PID1: variants seen among roughly 807,000 people sequenced by gnomAD.
PID1 encodes PTB-containing, cubilin and LRP1-interacting protein.
PID1 carries 10 observed loss-of-function variants against 19.1 expected under a neutral mutation model. The ratio of observed to expected loss-of-function variants is 0.52; its 90% confidence interval spans 0.32 to 0.89. The LOEUF (loss-of-function observed/expected upper bound fraction) is 0.89, where lower values mean the gene tolerates loss of function less well. PID1 is among the 40% of genes least tolerant of loss of function. The pLI is 0.03. For missense variants in PID1, 248 were observed against 285.3 expected (o/e 0.87, Z 0.94); for synonymous variants, 130 against 116.0 (o/e 1.12, Z -0.78).
rs185143490 is a variant in PID1, at chr2:229,169,940, G to A, written c.31-13976C>T. 1.3e-4 allele frequency among the ~76,000 whole-genome samples: 20 copies of A among 152,190 alleles called. No individual in the cohort carries two copies. The East Asian group carries it at 1.7e-3, about 13-fold the overall frequency. On this transcript the variant is annotated intron_variant, in intron 1 of 2. Coordinates refer to ENST00000392055, the MANE Select transcript of PID1 (RefSeq NM_001100818.2). Reference sequence around the variant, plus strand: ...AGTCCAAGGTCATCCAGAGCCACACGCTTCAAAGAAAACTAGACTCACAAC... The same window carrying A: ...AGTCCAAGGTCATCCAGAGCCACACACTTCAAAGAAAACTAGACTCACAAC...
intron 2 of PID1, among the ~76,000 whole-genome samples, chr2:229,117,492 G>C (rs1339375417): frequency 6.6e-6 from 1 of 152,100 alleles, no homozygotes; most frequent in Non-Finnish European, 1.5e-5. Flanking sequence ...ATACAGTCCT[G>C]CCCTTCTCCA....
intron 1 of PID1, among the ~76,000 whole-genome samples, chr2:229,185,437 T>G (rs376837719): frequency 6.6e-6 from 1 of 152,164 alleles, no homozygotes; most frequent in Non-Finnish European, 1.5e-5. Context: ...TAGTCTGTTT[T>G]CATGCTGCTG....
At chr2:229,207,837 C>T (rs113539749) in intron 1 of PID1, among the ~76,000 whole-genome samples, 1 of 151,978 alleles carries the variant, frequency 6.6e-6, no homozygotes, top group Admixed American at 6.6e-5. Flanking sequence ...AACAGTGATG[C>T]CCAACCACTT....
chr2:229,158,076 C>T (rs1690418356), intron 1 of PID1, among the ~76,000 whole-genome samples: 1 of 152,228 alleles, frequency 6.6e-6, no homozygotes, highest in South Asian at 2.1e-4. Context: ...TGATCCCACC[C>T]TTACATTTGC....
At chr2:229,221,943 C>T (rs892676172) in intron 1 of PID1, among the ~76,000 whole-genome samples, 3 of 152,226 alleles carry the variant, frequency 2.0e-5, no homozygotes, top group Admixed American at 2.0e-4. Flanking sequence ...TGTCAAGCAA[C>T]TCCACTCCTC....
At chr2:229,129,706 TC>T (rs1171610221) in intron 2 of PID1, among the ~76,000 whole-genome samples, 3 of 152,042 alleles carry the variant, frequency 2.0e-5, no homozygotes, top group African/African-American at 7.3e-5. Context: ...TTGTCCCTTT[TC>T]CCCCCATATT....
intron 2 of PID1, among the ~76,000 whole-genome samples, chr2:229,139,050 A>AAGC (rs1689934542): frequency 1.3e-5 from 1 of 76,420 alleles, no homozygotes. Context: ...AGAAAGAAAG[A>AAGC]AAGAAAGAGA....
At chr2:229,242,373 T>G (rs1011533290) in intron 1 of PID1, among the ~76,000 whole-genome samples, 1 of 152,154 alleles carries the variant, frequency 6.6e-6, no homozygotes, top group Admixed American at 6.5e-5. Context: ...ATAGCTTAGT[T>G]ATAGGTCCAA....
rs1403878830 is a variant in PID1, at chr2:229,025,954, C to A, written c.332G>T (p.Trp111Leu). The A allele has an allele frequency of 6.2e-7, 1 of 1,614,200 alleles. No individual in the cohort carries two copies. The highest frequency in any genetic ancestry group is 1.7e-5 in the Admixed American group (1 of 60,026). ...CCCTTTGTGGTCGAGATGATGGAGC[C>A]AAACTTGGAATGGCCGGATTTCCAG... ...ALLEIRPFQVWLHHLDHKGEA... is the reference protein window; with the variant it reads ...ALLEIRPFQVLLHHLDHKGEA... The change falls in exon 3 of 3, where the codon TGG becomes TTG. Residue 111 changes from tryptophan to leucine, a missense_variant. Trp to Leu is a moderately conservative substitution (Grantham distance 61). Coordinates refer to ENST00000392055, the MANE Select transcript of PID1 (RefSeq NM_001100818.2).
intron 2 of PID1, among the ~76,000 whole-genome samples, chr2:229,043,093 A>G (rs980950884): frequency 4.6e-5 from 7 of 151,758 alleles, no homozygotes; most frequent in South Asian, 2.1e-4. Context: ...GCCACCTCCA[A>G]TTCCTGGGTT....
At chr2:229,142,769 C>A (rs1324550807) in intron 2 of PID1, among the ~76,000 whole-genome samples, 10 of 152,230 alleles carry the variant, frequency 6.6e-5, no homozygotes, top group Non-Finnish European at 2.9e-5. Context: ...TAGTTCACCC[C>A]TTGTGGAAGT....
At chr2:229,255,242 A>C (rs934510673) in intron 1 of PID1, among the ~76,000 whole-genome samples, 1 of 152,176 alleles carries the variant, frequency 6.6e-6, no homozygotes, top group Non-Finnish European at 1.5e-5. Context: ...ATTGTTCTAT[A>C]GCTCAAGCCA....
intron 1 of PID1, among the ~76,000 whole-genome samples, chr2:229,225,333 G>C (rs775761336): frequency 3.3e-5 from 5 of 152,054 alleles, no homozygotes; most frequent in Non-Finnish European, 5.9e-5. Flanking sequence ...GTAATGCATG[G>C]GTTATTCTCC....
chr2:229,117,546 T>A (rs1695434414), intron 2 of PID1, among the ~76,000 whole-genome samples: 1 of 152,200 alleles, frequency 6.6e-6, no homozygotes, highest in African/African-American at 2.4e-5. Flanking sequence ...TCCTGTCTGC[T>A]TAGAAAGATA....
chr2:229,064,864 C>T (rs1355985469), intron 2 of PID1, among the ~76,000 whole-genome samples: 1 of 151,830 alleles, frequency 6.6e-6, no homozygotes, highest in Non-Finnish European at 1.5e-5. Flanking sequence ...CAAAGAGAGC[C>T]CATAAATGTA....
At chr2:229,137,143 T>G (rs1360182595) in intron 2 of PID1, among the ~76,000 whole-genome samples, 2 of 152,224 alleles carry the variant, frequency 1.3e-5, no homozygotes, top group African/African-American at 4.8e-5. Context: ...CTGCATACAT[T>G]ATCAGTTTCA....
At chr2:229,061,679 C>A (rs145777854) in intron 2 of PID1, among the ~76,000 whole-genome samples, 1,519 of 151,776 alleles carry the variant, frequency 0.01, 28 homozygotes, top group African/African-American at 0.034. Flanking sequence ...ATTGTATTGA[C>A]CCTGTAGATC....
In PID1 at chr2:229,262,599, C is replaced by T. The variant is rs1322818029; in HGVS notation, c.30+8415G>A. 5 of 1,490,868 alleles carry T rather than the reference C, an allele frequency of 3.4e-6. No individual in the cohort carries two copies. In the East Asian group the frequency reaches 1.2e-4, roughly 37 times the overall value. 92.4% of individuals were successfully genotyped at this position (1,490,868 alleles called of 1,614,324 possible). A position where few individuals can be genotyped will look rare whatever the true frequency, so the allele number is the denominator to read the frequency against. On this transcript the variant is annotated intron_variant, in intron 1 of 2. Transcript: ENST00000392055. ...ACATAGTCAAGAGGCTATATGGTTT[C>T]ACTGGTGTAGTAGCTACCTAGGGCT...
At chr2:229,086,853 G>A (rs978605800) in intron 2 of PID1, among the ~76,000 whole-genome samples, 5 of 151,526 alleles carry the variant, frequency 3.3e-5, no homozygotes, top group South Asian at 4.2e-4. Context: ...CAGAGCATCC[G>A]CATGCACATA....
Sources: allele counts gnomAD v4.1 joint callset (sites outside exome capture counted in the v4.1 genomes callset), GRCh38; gene constraint gnomAD v4.1.1; transcripts MANE v1.5; gene names NCBI Gene and HGNC (gene_info 2026-07-23, HGNC 2026-07-21).